ANAPC4: variants seen among roughly 807,000 people sequenced by gnomAD.
ANAPC4 encodes anaphase promoting complex subunit 4.
In ANAPC4, 63 loss-of-function variants were observed where a neutral mutation model predicts 119.8. That is an observed-to-expected ratio of 0.53 (90% CI 0.43 to 0.65). The LOEUF (loss-of-function observed/expected upper bound fraction) is 0.65. ANAPC4 is among the 30% of genes least tolerant of loss of function. The probability of loss-of-function intolerance (pLI) is 0.00; values close to 1 mark genes in which losing one functional copy is unlikely to be tolerated. For synonymous variants in ANAPC4, 283 were observed against 318.6 expected (o/e 0.89, Z 1.19); for missense variants, 716 against 945.1 (o/e 0.76, Z 3.18).
intron 16 of ANAPC4, among the ~76,000 whole-genome samples, chr4:25,402,498 T>A (rs192119906): frequency 5.9e-4 from 90 of 152,302 alleles, no homozygotes; most frequent in African/African-American, 1.7e-3. Flanking sequence ...AAAATCAGCT[T>A]CCAAAAATAA....
At chr4:25,378,363 C>T (rs1327457920) in intron 2 of ANAPC4, among the ~76,000 whole-genome samples, 5 of 152,310 alleles carry the variant, frequency 3.3e-5, no homozygotes, top group East Asian at 1.9e-4. Context: ...AATCTTAGCA[C>T]CCTGCAGACT....
In ANAPC4 at chr4:25,418,161, T is replaced by G. The variant is rs1303626129; in HGVS notation, c.2206T>G (p.Ser736Ala). 6.2e-7 allele frequency: 1 copy of G among 1,612,364 alleles called. No individual in the cohort carries two copies. The highest frequency in any genetic ancestry group is 8.5e-7 in the Non-Finnish European group (1 of 1,179,512). ...GFRKVSCVLS[S>A]NLRHVRVFEM... ...ATGGCCTTTTCTTTTTTAGTTAAGC[T>G]CAAATCTTCGTCATGTGAGAGTATT... is the stretch of plus-strand genomic sequence containing the variant. Residue 736 changes from serine to alanine, a missense_variant, in exon 29 of 29, where the codon TCA (serine) becomes GCA (alanine). This residue lies in a region of ANAPC4 where 504 missense variants were observed against 615.8 expected (regional missense o/e 0.82). Transcript: ENST00000315368.
chr4:25,406,554 G>A (rs113115223), intron 18 of ANAPC4, among the ~76,000 whole-genome samples: 30 of 152,266 alleles, frequency 2.0e-4, no homozygotes, highest in African/African-American at 5.3e-4. Context: ...TTAGCACAAG[G>A]CCTGAAATAA....
intron 19 of ANAPC4, 90 bp downstream of exon 19, chr4:25,406,975 T>C: frequency 9.0e-7 from 1 of 1,109,364 alleles, no homozygotes; most frequent in Non-Finnish European, 1.3e-6. Context: ...TAACCCAATT[T>C]AATTGAAGTC....
chr4:25,392,625 A>G (rs573217559), intron 10 of ANAPC4, among the ~76,000 whole-genome samples: 1 of 152,288 alleles, frequency 6.6e-6, no homozygotes, highest in African/African-American at 2.4e-5. Flanking sequence ...TCCACCTCCA[A>G]AAGAGTTTAA....
Position 25,405,606 on chromosome 4 carries a change from C to G in ANAPC4, c.1304C>G (p.Pro435Arg). ...MLRMTEDHVLPELNKMTQKDI... is the reference protein window; with the variant it reads ...MLRMTEDHVLRELNKMTQKDI... The stretch of plus-strand genomic sequence containing the variant: ...AGAATGACAGAAGACCATGTGCTTC[C>G]CGAGCTGAATAAGGTAGTATGTACT... Residue 435 changes from proline to arginine, a missense_variant, in exon 18 of 29, where the codon CCC (proline) becomes CGC (arginine). By Grantham distance (103) the Pro-to-Arg change is moderately radical. Coordinates refer to ENST00000315368, the MANE Select transcript of ANAPC4 (RefSeq NM_013367.3). The surrounding 1 kb of genome is among the most constrained non-coding windows in gnomAD (Gnocchi z 4.6). The G allele has an allele frequency of 6.2e-7, 1 of 1,613,486 alleles. No homozygotes were observed. The highest frequency in any genetic ancestry group is 8.5e-7 in the Non-Finnish European group (1 of 1,179,672).
chr4:25,383,538 C>G (rs1045828581), intron 4 of ANAPC4, 145 bp downstream of exon 4: 2 of 680,942 alleles, frequency 2.9e-6, no homozygotes, highest in African/African-American at 3.8e-5. Context: ...TTTTTTAATG[C>G]TTTCTTAGAT....
intron 21 of ANAPC4, 68 bp from the exon 22 acceptor site, chr4:25,413,577 T>G: frequency 8.1e-7 from 1 of 1,237,248 alleles, no homozygotes; most frequent in South Asian, 1.3e-5. Context: ...AACAGTAGAT[T>G]ATTTTCTTCT....
chr4:25,377,614 C>T, intron 2 of ANAPC4, 58 bp downstream of exon 2: 1 of 1,502,928 alleles, frequency 6.7e-7, no homozygotes. Flanking sequence ...GGCCCAAGAA[C>T]ACCGAGCCCG....
chr4:25,414,630 C>A lies in ANAPC4; in HGVS notation c.1756C>A (p.Leu586Ile). The change falls in exon 25 of 29, where the codon CTT becomes ATT. Residue 586 changes from leucine to isoleucine, a missense_variant. Leu to Ile is a conservative substitution (Grantham distance 5, BLOSUM62 2). Around this residue, in one of 3 missense-constraint regions of ANAPC4, gnomAD observed 504 missense variants for 615.8 expected, o/e 0.82. Coordinates refer to ENST00000315368, the MANE Select transcript of ANAPC4 (RefSeq NM_013367.3). The part of the protein sequence containing the change: ...WNNKTSNLHY[L>I]LFTILEDSLY... ...TAATAAAACTTCAAATCTACATTAT[C>A]TTCTTTTTACTATTCTAGAAGATTC... 1 of 1,551,504 alleles carries A rather than the reference C, an allele frequency of 6.4e-7. No individual in the cohort carries two copies. Among genetic ancestry groups the A allele is most frequent in the Non-Finnish European group, 8.8e-7 (1 of 1,142,584 alleles).
chr4:25,381,178 G>A (rs1297975632), intron 3 of ANAPC4, among the ~76,000 whole-genome samples: 3 of 152,158 alleles, frequency 2.0e-5, no homozygotes, highest in Non-Finnish European at 2.9e-5. Context: ...TGTAAAATAT[G>A]TGTTGTTCTT....
rs1722541543 is a variant in ANAPC4 at position 25,394,712 on chromosome 4, A to G, written c.983A>G (p.Lys328Arg). Residue 328 changes from lysine (K) to arginine (R), a missense_variant and splice_region_variant, in exon 13 of 29, where the codon AAG becomes AGG. By Grantham distance (26) the Lys-to-Arg change is conservative. Transcript: ENST00000315368. Reference protein sequence around the residue: ...QTLLMNQLTVKGLKKLGQSIE... With the variant: ...QTLLMNQLTVRGLKKLGQSIE... ...CTCTTGATGAATCAGTTAACAGTAA[A>G]GGTGCAGTTAATGTATCTATGTATT... The G allele has an allele frequency of 6.2e-7, 1 of 1,604,568 alleles. No homozygotes were observed. Among genetic ancestry groups the G allele is most frequent in the Non-Finnish European group, 8.5e-7 (1 of 1,177,502 alleles).
At chr4:25,391,528 C>G (rs150859559) in intron 9 of ANAPC4, among the ~76,000 whole-genome samples, 3 of 152,330 alleles carry the variant, frequency 2.0e-5, no homozygotes, top group Non-Finnish European at 4.4e-5. Context: ...ATAATCTGTG[C>G]TCTTAACTAG....
intron 9 of ANAPC4, among the ~76,000 whole-genome samples, chr4:25,391,833 G>A (rs1042712238): frequency 1.3e-5 from 2 of 152,146 alleles, no homozygotes; most frequent in Non-Finnish European, 2.9e-5. Context: ...TATGGTAATG[G>A]TTGTTCATAT....
chr4:25,384,343 G>A (rs1721910193), intron 4 of ANAPC4, among the ~76,000 whole-genome samples: 1 of 152,146 alleles, frequency 6.6e-6, no homozygotes, highest in Admixed American at 6.5e-5. Context: ...ATCCATGAGG[G>A]TTGGAATCAA....
chr4:25,401,329 CT>C (rs1722957597), intron 16 of ANAPC4, among the ~76,000 whole-genome samples: 1 of 152,148 alleles, frequency 6.6e-6, no homozygotes, highest in South Asian at 2.1e-4. Context: ...GTGTGTGGAG[CT>C]TTGCTTCAGG....
At chr4:25,415,376 C>T (rs1318533610) in intron 25 of ANAPC4, 90 bp from the exon 26 acceptor site, 4 of 975,154 alleles carry the variant, frequency 4.1e-6, no homozygotes, top group East Asian at 4.9e-5. Context: ...CATGTACTGA[C>T]CCTGACAATC....
At position 25,386,401 on chromosome 4, in the gene ANAPC4, C is replaced by T. The variant is rs1414199374; in HGVS notation, c.369-2099C>T. ...CTAATTTTTATATTTTTAGTGGAGA[C>T]GGGATTTCACCATGTTGGCCAGGCT... On this transcript the variant is annotated intron_variant, in intron 4 of 28. Transcript: ENST00000315368. Among the ~76,000 whole-genome samples, 4 of 151,630 alleles carry T rather than the reference C, an allele frequency of 2.6e-5. No individual in the cohort carries two copies. The South Asian group carries it at 6.3e-4, about 24-fold the overall frequency.
chr4:25,381,001 G>A (rs1053803291), intron 3 of ANAPC4, among the ~76,000 whole-genome samples: 1 of 152,132 alleles, frequency 6.6e-6, no homozygotes, highest in Admixed American at 6.5e-5. Flanking sequence ...GTTAAAGCCT[G>A]TTATGGCTCT....
Sources: allele counts gnomAD v4.1 joint callset (sites outside exome capture counted in the v4.1 genomes callset), GRCh38; gene constraint gnomAD v4.1.1; regional missense constraint gnomAD v4.1.1; non-coding constraint Gnocchi (gnomAD v3.1); transcripts MANE v1.5; gene names NCBI Gene and HGNC (gene_info 2026-07-23, HGNC 2026-07-21).